The following CDH22 variants were observed in gnomAD, a reference collection of about 807,000 sequenced individuals.
CDH22 encodes cadherin-22.
A neutral mutation model predicts 58.4 loss-of-function variants in CDH22; 30 were observed. The observed-to-expected ratio is 0.51, with a 90% CI of 0.38 to 0.70. The LOEUF (loss-of-function observed/expected upper bound fraction) is 0.70. Among genes scored for constraint, CDH22 ranks in the 30% least tolerant of loss-of-function variants. The probability of loss-of-function intolerance (pLI) is 0.00; values close to 1 mark genes in which losing one functional copy is unlikely to be tolerated. For missense variants in CDH22, 1,014 were observed against 1,233.9 expected, an observed-to-expected ratio of 0.82 and a Z score of 2.67; for synonymous variants, 513 against 558.2, an observed-to-expected ratio of 0.92 and a Z score of 1.14.
intron 4 of CDH22, among the ~76,000 whole-genome samples, chr20:46,223,234 C>T (rs1600703572): frequency 1.3e-5 from 2 of 152,192 alleles, no homozygotes; most frequent in East Asian, 1.9e-4. Flanking sequence ...CCCTCTGCTG[C>T]GGGGGATGCT....
intron 1 of CDH22, among the ~76,000 whole-genome samples, chr20:46,304,478 C>G (rs988743848): frequency 3.3e-5 from 5 of 152,190 alleles, no homozygotes; most frequent in African/African-American, 1.2e-4. Flanking sequence ...AAGTCACAAA[C>G]TCAGGCTGGT....
At chr20:46,184,647 G>A (rs953326614) in intron 10 of CDH22, among the ~76,000 whole-genome samples, 1 of 152,114 alleles carries the variant, frequency 6.6e-6, no homozygotes, top group African/African-American at 2.4e-5. Context: ...AGCAGACCCC[G>A]ACACAGAGGC....
At chr20:46,200,210 G>T (rs556695147) in intron 7 of CDH22, among the ~76,000 whole-genome samples, 1 of 151,792 alleles carries the variant, frequency 6.6e-6, no homozygotes, top group Non-Finnish European at 1.5e-5. Context: ...TCCTGACCTC[G>T]TGATCTGCCC....
chr20:46,234,919 T>G (rs2086243045), intron 3 of CDH22, among the ~76,000 whole-genome samples: 1 of 152,242 alleles, frequency 6.6e-6, no homozygotes, highest in Non-Finnish European at 1.5e-5. Context: ...GCCTAATATG[T>G]GTTTATTGAA....
chr20:46,181,577 T>TTTCCCTTCCTTCCCTTCC lies in CDH22; in HGVS notation c.1664-3398_1664-3381dup, dbSNP rs1239657808. Reference sequence around the variant, plus strand: ...GGCTGTGGTAAGGAATTTGGGTCATTTTCCCTTCCTTCCCTTCCTTCCCTT... The same window carrying TTTCCCTTCCTTCCCTTCC: ...GGCTGTGGTAAGGAATTTGGGTCATTTTCCCTTCCTTCCCTTCCTTCCCTTCCTTCCCTTCCTTCCCTT... On this transcript the variant is annotated intron_variant, in intron 10 of 11. Coordinates refer to ENST00000537909, the MANE Select transcript of CDH22 (RefSeq NM_021248.3). Among the ~76,000 whole-genome samples, 527 of 150,622 alleles carry TTTCCCTTCCTTCCCTTCC rather than the reference T, an allele frequency of 3.5e-3. 3 individuals are homozygous for TTTCCCTTCCTTCCCTTCC. The highest frequency in any genetic ancestry group is 8.2e-3 in the Admixed American group (124 of 15,074).
rs922575469 is a variant in CDH22, at chr20:46,216,764, G to A, written c.838+62C>T. 5 of 1,485,946 alleles carry A rather than the reference G, an allele frequency of 3.4e-6. No homozygotes were observed. In the African/African-American group the frequency reaches 6.9e-5, roughly 20 times the overall value. The allele number at this position is 1,485,946 out of a possible 1,614,324, so 92.0% of individuals were successfully genotyped here. ...TAAAGGGAAGCTGGGGTCAGCAGGTGGCTTGGATGGGGTAACAGACAGACA... is the reference window on the plus strand; with the variant it reads ...TAAAGGGAAGCTGGGGTCAGCAGGTAGCTTGGATGGGGTAACAGACAGACA... On this transcript the variant is annotated intron_variant, in intron 5 of 11. Transcript: ENST00000537909. The surrounding 1 kb of genome is among the most constrained non-coding windows in gnomAD (Gnocchi z 5.3).
At chr20:46,184,129 G>A (rs531934455) in intron 10 of CDH22, among the ~76,000 whole-genome samples, 17 of 147,514 alleles carry the variant, frequency 1.2e-4, no homozygotes, top group African/African-American at 3.0e-4. Flanking sequence ...ATGGAGTTTC[G>A]CTCTTGTTGC....
intron 5 of CDH22, among the ~76,000 whole-genome samples, chr20:46,214,116 G>C (rs1470929922): frequency 6.6e-6 from 1 of 152,186 alleles, no homozygotes. Context: ...TCTAGACAGA[G>C]GGAGCAGCAG....
At chr20:46,181,664 T>C (rs1466069181) in intron 10 of CDH22, among the ~76,000 whole-genome samples, 1 of 142,216 alleles carries the variant, frequency 7.0e-6, no homozygotes, top group Non-Finnish European at 1.5e-5. Context: ...CCTTTCTCTC[T>C]TTTCTTTTTC....
intron 4 of CDH22, among the ~76,000 whole-genome samples, chr20:46,221,159 G>T (rs367929735): frequency 6.6e-6 from 1 of 152,146 alleles, no homozygotes; most frequent in African/African-American, 2.4e-5. Flanking sequence ...CCAGCGACCC[G>T]ACAGCTGACT....
At position 46,199,564 on chromosome 20, in the gene CDH22, G is replaced by C. The variant is rs749218264; in HGVS notation, c.1287-5C>G. ...GATTCGCGGTCAATGGCGTACCTGC[G>C]GGGGGCAGGGCAGGGCTGATTGAAG... is the stretch of plus-strand genomic sequence containing the variant. On this transcript the variant is annotated splice_region_variant and splice_polypyrimidine_tract_variant and intron_variant, in intron 7 of 11. Coordinates refer to ENST00000537909, the MANE Select transcript of CDH22 (RefSeq NM_021248.3). 3.7e-6 allele frequency: 6 copies of C among 1,612,858 alleles called. No individual in the cohort carries two copies. In the East Asian group the frequency reaches 1.3e-4, roughly 36 times the overall value.
Position 46,210,659 on chromosome 20 carries a change from C to T in CDH22, c.1033-99G>A. The stretch of plus-strand genomic sequence containing the variant: ...GGCAGGCGGGGTTGGCCCAAGGTCA[C>T]ACGTTGTCTCAGCAGGGGCGGCAGG... On this transcript the variant is annotated intron_variant, in intron 6 of 11. Coordinates refer to ENST00000537909, the MANE Select transcript of CDH22 (RefSeq NM_021248.3). The surrounding 1 kb of genome is among the most constrained non-coding windows in gnomAD (Gnocchi z 4.5). 1 of 1,176,724 alleles carries T rather than the reference C, an allele frequency of 8.5e-7. No individual in the cohort carries two copies. Among genetic ancestry groups the T allele is most frequent in the Non-Finnish European group, 1.1e-6 (1 of 882,432 alleles). 72.9% of individuals were successfully genotyped at this position (1,176,724 alleles called of 1,614,324 possible).
At chr20:46,220,633 C>T (rs2086116793) in intron 4 of CDH22, 1 of 152,366 alleles carries the variant, frequency 6.6e-6, no homozygotes, top group African/African-American at 2.4e-5. Flanking sequence ...TGTCCCAGCT[C>T]TGAGTGGGGG....
intron 7 of CDH22, among the ~76,000 whole-genome samples, chr20:46,207,280 C>T (rs969754571): frequency 2.0e-4 from 30 of 152,202 alleles, no homozygotes; most frequent in Non-Finnish European, 2.9e-4. Context: ...GGAGCCAAAG[C>T]GGGGAGGAGG....
Position 46,240,842 on chromosome 20 carries a change from C to G in CDH22, c.550+121G>C, listed in dbSNP as rs528950339. On this transcript the variant is annotated intron_variant, in intron 3 of 11. Coordinates refer to ENST00000537909, the MANE Select transcript of CDH22 (RefSeq NM_021248.3). ...TGAGCTCACATCTGTACCCTGTACCCTAGGTCAGCAGGCTCTGTCTTTTCT... is the reference window on the plus strand; with the variant it reads ...TGAGCTCACATCTGTACCCTGTACCGTAGGTCAGCAGGCTCTGTCTTTTCT... 2.4e-4 allele frequency: 216 copies of G among 911,146 alleles called. 3 individuals are homozygous for G. In the East Asian group the frequency reaches 5.1e-3, roughly 22 times the overall value. 56.4% of individuals were successfully genotyped at this position (911,146 alleles called of 1,614,324 possible). A position where few individuals can be genotyped will look rare whatever the true frequency, so the allele number is the denominator to read the frequency against.
intron 1 of CDH22, among the ~76,000 whole-genome samples, chr20:46,258,540 C>A (rs572797502): frequency 6.6e-6 from 1 of 152,340 alleles, no homozygotes; most frequent in South Asian, 2.1e-4. Context: ...GGGCCCTAAG[C>A]CCCCTAGCAG....
At chr20:46,246,078 A>C (rs971886010) in intron 2 of CDH22, among the ~76,000 whole-genome samples, 12 of 152,244 alleles carry the variant, frequency 7.9e-5, no homozygotes, top group African/African-American at 2.9e-4. Context: ...AGGGGGCTGA[A>C]AAATGGGATT....
intron 1 of CDH22, among the ~76,000 whole-genome samples, chr20:46,290,130 G>GGT (rs1221167855): frequency 2.0e-5 from 3 of 152,178 alleles, no homozygotes; most frequent in African/African-American, 7.2e-5. Flanking sequence ...TGAAAACTTT[G>GGT]GTGAGAAAAC....
chr20:46,255,154 T>G (rs1382076327), intron 1 of CDH22, among the ~76,000 whole-genome samples: 2 of 152,136 alleles, frequency 1.3e-5, no homozygotes, highest in Non-Finnish European at 2.9e-5. Context: ...CCAAAGTAGC[T>G]GGGATTACAG....
Sources: allele counts gnomAD v4.1 joint callset (sites outside exome capture counted in the v4.1 genomes callset), GRCh38; gene constraint gnomAD v4.1.1; non-coding constraint Gnocchi (gnomAD v3.1); transcripts MANE v1.5; gene names NCBI Gene and HGNC (gene_info 2026-07-23, HGNC 2026-07-21).